The following PROSER2 variants were observed in gnomAD, a reference collection of about 807,000 sequenced individuals.
PROSER2 encodes proline and serine rich 2.
PROSER2 carries 18 observed loss-of-function variants against 14.6 expected under a neutral mutation model. The observed-to-expected ratio is 1.23, with a 90% CI of 0.85 to 1.83. The LOEUF is 1.83. Among genes scored for constraint, PROSER2 ranks in the 40% most tolerant of loss-of-function variants. PROSER2 has a pLI of 0.00. For missense variants in PROSER2, 823 were observed against 629.8 expected (o/e 1.31, Z -3.28); for synonymous variants, 367 against 286.4 (o/e 1.28, Z -2.84).
intron 1 of PROSER2, among the ~76,000 whole-genome samples, chr10:11,846,422 G>C (rs551262705): frequency 1.3e-5 from 2 of 152,254 alleles, no homozygotes; most frequent in African/African-American, 2.4e-5. Context: ...ACATCTCTCT[G>C]TGCTACAATC....
chr10:11,861,213 C>T (rs1008601360), intron 2 of PROSER2, among the ~76,000 whole-genome samples: 1 of 152,214 alleles, frequency 6.6e-6, no homozygotes, highest in Non-Finnish European at 1.5e-5. Context: ...TTGCTTAACT[C>T]TCATCCAGTT....
Position 11,870,760 on chromosome 10 carries a change from C to T in PROSER2, c.*354C>T, listed in dbSNP as rs1478517582. The T allele has an allele frequency of 4.7e-6, 1 of 214,730 alleles. No homozygotes were observed. Among genetic ancestry groups the T allele is most frequent in the African/African-American group, 2.3e-5 (1 of 43,260 alleles). 13.3% of individuals were successfully genotyped at this position (214,730 alleles called of 1,614,324 possible). On this transcript the variant is annotated 3_prime_UTR_variant, in exon 4 of 4. Transcript: ENST00000277570. The stretch of plus-strand genomic sequence containing the variant: ...GAGTAGGACTGGTCTGATTATCATT[C>T]TTGAGTCTCATCTACCCTCTTCTCG...
chr10:11,870,404 T>C lies in PROSER2; in HGVS notation c.1306T>C (p.Ter436ArgextTer18). 1 of 1,493,414 alleles carries C rather than the reference T, an allele frequency of 6.7e-7. No homozygotes were observed. Among genetic ancestry groups the C allele is most frequent in the Non-Finnish European group, 8.9e-7 (1 of 1,124,392 alleles). 92.5% of individuals were successfully genotyped at this position (1,493,414 alleles called of 1,614,324 possible). Residue 436 changes from the stop codon to arginine (R), a stop_lost, in exon 4 of 4, where the codon TGA (stop) becomes CGA (arginine). Transcript: ENST00000277570. ...RKLGLLRESS[*>R] is the part of the protein sequence containing the mutation. ...GCTGGGGCTGCTCAGGGAGAGTTCG[T>C]GAGGGCCGCGCGGGCTCCAGTCCAC...
In PROSER2 at chr10:11,870,654, C is replaced by G; in HGVS notation, c.*248C>G. 1 of 437,144 alleles carries G rather than the reference C, an allele frequency of 2.3e-6. No homozygotes were observed. The highest frequency in any genetic ancestry group is 4.2e-6 in the Non-Finnish European group (1 of 240,070). 27.1% of individuals were successfully genotyped at this position (437,144 alleles called of 1,614,324 possible). A position where few individuals can be genotyped will look rare whatever the true frequency, so the allele number is the denominator to read the frequency against. On this transcript the variant is annotated 3_prime_UTR_variant, in exon 4 of 4. Transcript: ENST00000277570. Reference sequence around the variant, plus strand: ...GGCCGAGGGCTTGTCTCCCTTTTCCCAAGAACTGAGAGAGAGAGAATAACC... The same window carrying G: ...GGCCGAGGGCTTGTCTCCCTTTTCCGAAGAACTGAGAGAGAGAGAATAACC...
chr10:11,871,413 A>C lies in PROSER2; in HGVS notation c.*1007A>C, dbSNP rs1392830758. ...AGTTAAAGTAATATTCCCTGCTTCC[A>C]AGTAAGCAAGACTGTTCACTAAAGA... On this transcript the variant is annotated 3_prime_UTR_variant, in exon 4 of 4. Transcript: ENST00000277570. The C allele has an allele frequency of 1.3e-5, 2 of 152,242 alleles. No homozygotes were observed. Among genetic ancestry groups the C allele is most frequent in the South Asian group, 2.1e-4 (1 of 4,828 alleles). The allele number at this position is 152,242 out of a possible 1,614,324, so 9.4% of individuals were successfully genotyped here. A position where few individuals can be genotyped will look rare whatever the true frequency, so the allele number is the denominator to read the frequency against.
chr10:11,869,797 C>T lies in PROSER2; in HGVS notation c.699C>T (p.Pro233=). Residue 233 remains proline, a synonymous_variant, in exon 4 of 4, where the codon CCC becomes CCT. Transcript: ENST00000277570. This position sits in a 1 kb window ranked among gnomAD's most constrained non-coding sequence, Gnocchi z 4.4. ...GGAGGACACCTGCCGCCCGGGGGCC[C>T]CGCAGTGGAGACCCTGGCCCGGGGC... ...GEWRTPAARG[P]RSGDPGPGPS... 6.4e-7 allele frequency: 1 copy of T among 1,555,758 alleles called. No individual in the cohort carries two copies. The highest frequency in any genetic ancestry group is 1.4e-5 in the African/African-American group (1 of 73,814).
At chr10:11,845,026 T>C (rs1029898936) in intron 1 of PROSER2, among the ~76,000 whole-genome samples, 8 of 152,196 alleles carry the variant, frequency 5.3e-5, no homozygotes, top group Admixed American at 1.3e-4. Context: ...ATTTTTGTTA[T>C]TACAGACAAT....
rs1411942537 is a variant in PROSER2 at position 11,862,001 on chromosome 10, G to T, written c.139-4530G>T. On this transcript the variant is annotated intron_variant, in intron 2 of 3. Coordinates refer to ENST00000277570, the MANE Select transcript of PROSER2 (RefSeq NM_153256.4). The surrounding 1 kb of genome is among the most constrained non-coding windows in gnomAD (Gnocchi z 4.2). ...CTGTCAGCGCATCAGACTCCCTGGA[G>T]GCTGCGTCCAACACAGACTGACAGG... Among the ~76,000 whole-genome samples the T allele has an allele frequency of 6.6e-6, 1 of 152,238 alleles. No individual in the cohort carries two copies. The highest frequency in any genetic ancestry group is 1.5e-5 in the Non-Finnish European group (1 of 68,034).
In PROSER2 at chr10:11,869,705, G is replaced by C. The variant is rs2147439; in HGVS notation, c.607G>C (p.Glu203Gln). The change falls in exon 4 of 4, where the codon GAG (glutamate) becomes CAG (glutamine). Residue 203 changes from glutamate to glutamine, a missense_variant. Glu to Gln is a conservative substitution (Grantham distance 29). Coordinates refer to ENST00000277570, the MANE Select transcript of PROSER2 (RefSeq NM_153256.4). The surrounding 1 kb of genome is among the most constrained non-coding windows in gnomAD (Gnocchi z 4.4). ...TPLVMAQKISERMAGNEALSP... is the reference protein window; with the variant it reads ...TPLVMAQKISQRMAGNEALSP... ...CCTCGTTATGGCGCAGAAGATTTCCGAGAGGATGGCGGGGAACGAAGCCCT... is the reference window on the plus strand; with the variant it reads ...CCTCGTTATGGCGCAGAAGATTTCCCAGAGGATGGCGGGGAACGAAGCCCT... The C allele has an allele frequency of 6.3e-7, 1 of 1,596,224 alleles. No homozygotes were observed. Among genetic ancestry groups the C allele is most frequent in the Non-Finnish European group, 8.5e-7 (1 of 1,172,176 alleles).
intron 1 of PROSER2, chr10:11,849,604 T>C (rs1833982496): frequency 6.6e-6 from 1 of 152,280 alleles, no homozygotes; most frequent in Admixed American, 6.5e-5. Context: ...AAGCAGGTGA[T>C]GACTGATTGG....
chr10:11,824,530 T>C (rs918979310), intron 1 of PROSER2, among the ~76,000 whole-genome samples: 1 of 152,218 alleles, frequency 6.6e-6, no homozygotes, highest in African/African-American at 2.4e-5. Context: ...CTGATTGTTT[T>C]TCTAGGTGGA....
At chr10:11,852,916 T>A (rs1834055159) in intron 2 of PROSER2, among the ~76,000 whole-genome samples, 1 of 149,256 alleles carries the variant, frequency 6.7e-6, no homozygotes. Context: ...TTTGTATCCT[T>A]CTCAGAATCC....
At position 11,866,992 on chromosome 10, in the gene PROSER2, C is replaced by G. The variant is rs1346469749; in HGVS notation, c.391+209C>G. ...AATAAAGAATGGAATGGGCCAGGCG[C>G]GGTGGCTCAAGCCTGTAATCCCAGC... On this transcript the variant is annotated intron_variant, in intron 3 of 3. Transcript: ENST00000277570. The surrounding 1 kb of genome is among the most constrained non-coding windows in gnomAD (Gnocchi z 6.0). 6.6e-6 allele frequency among the ~76,000 whole-genome samples: 1 copy of G among 152,084 alleles called. No individual in the cohort carries two copies. The highest frequency in any genetic ancestry group is 2.4e-5 in the African/African-American group (1 of 41,404).
In PROSER2 at chr10:11,838,497, A is replaced by G. The variant is rs547231543; in HGVS notation, c.-81-13500A>G. On this transcript the variant is annotated intron_variant, in intron 1 of 3. Coordinates refer to ENST00000277570, the MANE Select transcript of PROSER2 (RefSeq NM_153256.4). The surrounding 1 kb of genome is among the most constrained non-coding windows in gnomAD (Gnocchi z 4.4). The stretch of plus-strand genomic sequence containing the variant: ...TACCCATCCCGGCACGTGTTTCCAC[A>G]TGTTCCTAGTAGACAGCTCCCCTGG... Among the ~76,000 whole-genome samples the G allele has an allele frequency of 4.1e-4, 63 of 152,346 alleles. 1 individual carries two copies. Among genetic ancestry groups the G allele is most frequent in the African/African-American group, 1.5e-3 (62 of 41,574 alleles).
intron 2 of PROSER2, among the ~76,000 whole-genome samples, chr10:11,854,154 C>T (rs1390266322): frequency 6.6e-6 from 1 of 152,186 alleles, no homozygotes; most frequent in Admixed American, 6.5e-5. Flanking sequence ...CCTTGCCTTC[C>T]CCTCAGGCCT....
intron 1 of PROSER2, chr10:11,849,600 G>A (rs768193795): frequency 3.9e-5 from 6 of 152,278 alleles, no homozygotes; most frequent in Non-Finnish European, 8.8e-5. Context: ...ATGGAAGCAG[G>A]TGATGACTGA....
Position 11,871,595 on chromosome 10 carries a change from G to A in PROSER2, c.*1189G>A, listed in dbSNP as rs886305320. The stretch of plus-strand genomic sequence containing the variant: ...TCAGGGTAGGGAAAAACCAGTGAAT[G>A]AGGTTACACAGCAGGAAAAGAACCG... On this transcript the variant is annotated 3_prime_UTR_variant, in exon 4 of 4. Coordinates refer to ENST00000277570, the MANE Select transcript of PROSER2 (RefSeq NM_153256.4). The A allele has an allele frequency of 6.6e-6, 1 of 152,226 alleles. No homozygotes were observed. The highest frequency in any genetic ancestry group is 2.4e-5 in the African/African-American group (1 of 41,460). 9.4% of individuals were successfully genotyped at this position (152,226 alleles called of 1,614,324 possible).
chr10:11,841,077 C>T (rs1833840083), intron 1 of PROSER2, among the ~76,000 whole-genome samples: 1 of 144,858 alleles, frequency 6.9e-6, no homozygotes, highest in Non-Finnish European at 1.5e-5. Flanking sequence ...TAGAACTCTC[C>T]AGCAAAACTT....
intron 2 of PROSER2, among the ~76,000 whole-genome samples, chr10:11,863,858 C>G (rs1834292536): frequency 6.6e-6 from 1 of 152,122 alleles, no homozygotes; most frequent in African/African-American, 2.4e-5. Flanking sequence ...ATTAGTTTTT[C>G]TGTGGTTGCT....
Sources: gnomAD v4.1 joint callset for allele counts (sites outside exome capture counted in the v4.1 genomes callset) on GRCh38, gnomAD v4.1.1 for gene constraint, Gnocchi (gnomAD v3.1) non-coding constraint, MANE v1.5 for transcripts, NCBI Gene and HGNC (gene_info 2026-07-23, HGNC 2026-07-21) for gene names.